The following PARD3 variants were observed in gnomAD, a reference collection of about 807,000 sequenced individuals.
The protein encoded by PARD3 is par-3 family cell polarity regulator.
A neutral mutation model predicts 155.4 loss-of-function variants in PARD3; 75 were observed. That is an observed-to-expected ratio of 0.48 (90% CI 0.40 to 0.58). The LOEUF is 0.58. Among genes scored for constraint, PARD3 ranks in the 20% least tolerant of loss-of-function variants. The pLI, the probability that PARD3 is intolerant of heterozygous loss-of-function variation, is 0.00. For missense variants in PARD3, 1,642 were observed against 1,721.7 expected (o/e 0.95, Z 0.82); for synonymous variants, 576 against 610.5 (o/e 0.94, Z 0.83).
At chr10:34,643,335 AG>A (rs2092738764) in intron 2 of PARD3, among the ~76,000 whole-genome samples, 1 of 152,236 alleles carries the variant, frequency 6.6e-6, no homozygotes, top group African/African-American at 2.4e-5. Flanking sequence ...CCATCAGGGC[AG>A]GGCCTCTGTG....
intron 21 of PARD3, 79 bp downstream of exon 21, chr10:34,284,056 C>T (rs1589049284): frequency 2.5e-6 from 2 of 800,876 alleles, no homozygotes; most frequent in African/African-American, 1.9e-5. Flanking sequence ...AAAATCTTTA[C>T]ATTAAAAAAG....
intron 2 of PARD3, among the ~76,000 whole-genome samples, chr10:34,589,181 C>T (rs374918962): frequency 1.3e-5 from 2 of 152,116 alleles, no homozygotes; most frequent in African/African-American, 4.8e-5. Flanking sequence ...AAATATTTTG[C>T]TCTATAAAAA....
chr10:34,545,262 T>C (rs1208030106), intron 2 of PARD3, among the ~76,000 whole-genome samples: 1 of 152,176 alleles, frequency 6.6e-6, no homozygotes, highest in Non-Finnish European at 1.5e-5. Flanking sequence ...CTGGTTCATC[T>C]CAAACCAAAA....
At chr10:34,345,073 T>C (rs1446323983) in intron 15 of PARD3, 17 of 982,978 alleles carry the variant, frequency 1.7e-5, no homozygotes, top group Non-Finnish European at 2.1e-5. Flanking sequence ...TAGATAATTA[T>C]AAATTGATAC....
At chr10:34,491,384 T>C (rs1158717293) in intron 3 of PARD3, among the ~76,000 whole-genome samples, 1 of 152,242 alleles carries the variant, frequency 6.6e-6, no homozygotes, top group Non-Finnish European at 1.5e-5. Flanking sequence ...CTTTCTAACT[T>C]TAATTTGAAA....
chr10:34,378,384 T>G (rs918707566), intron 9 of PARD3, among the ~76,000 whole-genome samples: 5 of 152,180 alleles, frequency 3.3e-5, no homozygotes, highest in African/African-American at 4.8e-5. Flanking sequence ...TGCTAAAAGT[T>G]TTTAAATCAA....
chr10:34,184,182 A>AT (rs1950386609), intron 22 of PARD3, among the ~76,000 whole-genome samples: 2 of 152,206 alleles, frequency 1.3e-5, no homozygotes, highest in Non-Finnish European at 2.9e-5. Context: ...GTTTCCGACC[A>AT]AGTATAAGCA....
chr10:34,137,597 A>G (rs944489734), intron 22 of PARD3, among the ~76,000 whole-genome samples: 11 of 152,370 alleles, frequency 7.2e-5, no homozygotes, highest in Admixed American at 4.6e-4. Flanking sequence ...GGCCTTGGCC[A>G]TGTGACTTGT....
At chr10:34,361,204 C>A (rs1386986439) in intron 12 of PARD3, among the ~76,000 whole-genome samples, 1 of 152,218 alleles carries the variant, frequency 6.6e-6, no homozygotes, top group Non-Finnish European at 1.5e-5. Flanking sequence ...CTTGTTCAAG[C>A]ACAAACTCTT....
At position 34,378,019 on chromosome 10, in the gene PARD3, C is replaced by T. The variant is rs12570964; in HGVS notation, c.1487G>A (p.Arg496Gln). The T allele has an allele frequency of 5.8e-5, 92 of 1,586,368 alleles. 3 individuals are homozygous for T. In the South Asian group the frequency reaches 7.1e-4, roughly 12 times the overall value. Residue 496 changes from arginine to glutamine, a missense_variant, in exon 10 of 25, where the codon CGG becomes CAG. Coordinates refer to ENST00000374788, the MANE Select transcript of PARD3 (RefSeq NM_001184785.2). ...TCGGCCATCCTGAATGGCCGCCCCC[C>T]GGGGGAGAATGTTTTTCACATAGAT... Reference protein sequence around the residue: ...APIYVKNILPRGAAIQDGRLK... With the variant: ...APIYVKNILPQGAAIQDGRLK...
chr10:34,741,377 G>A (rs1409034487), intron 1 of PARD3, among the ~76,000 whole-genome samples: 1 of 151,750 alleles, frequency 6.6e-6, no homozygotes, highest in East Asian at 1.9e-4. Flanking sequence ...TAGTGGTACA[G>A]TCTCACTATG....
At chr10:34,439,602 G>A (rs374546841) in intron 5 of PARD3, among the ~76,000 whole-genome samples, 4 of 151,920 alleles carry the variant, frequency 2.6e-5, no homozygotes, top group East Asian at 1.9e-4. Flanking sequence ...GGATTACTGC[G>A]TGTGCCACCA....
intron 21 of PARD3, among the ~76,000 whole-genome samples, chr10:34,283,576 T>A (rs1956251619): frequency 6.6e-6 from 1 of 152,060 alleles, no homozygotes; most frequent in African/African-American, 2.4e-5. Flanking sequence ...TAACAATCTA[T>A]CCGGAAGACA....
chr10:34,301,735 T>A (rs910017396), intron 20 of PARD3, among the ~76,000 whole-genome samples: 2 of 152,048 alleles, frequency 1.3e-5, no homozygotes, highest in Non-Finnish European at 2.9e-5. Flanking sequence ...CCTCTTCCAG[T>A]ATTTACTAGC....
intron 1 of PARD3, among the ~76,000 whole-genome samples, chr10:34,736,825 C>A (rs1051030696): frequency 6.6e-6 from 1 of 151,802 alleles, no homozygotes; most frequent in Non-Finnish European, 1.5e-5. Flanking sequence ...TACAGGCATG[C>A]GCCACCATGC....
At chr10:34,337,455 ATATT>A (rs778105765) in intron 16 of PARD3, 29 bp from the exon 17 acceptor site, 1 of 1,480,680 alleles carries the variant, frequency 6.8e-7, no homozygotes, top group South Asian at 1.4e-5. Flanking sequence ...AAAAATAAAA[ATATT>A]TACTAAAAAT....
chr10:34,134,236 G>A (rs1045364462), intron 22 of PARD3, among the ~76,000 whole-genome samples: 1 of 152,172 alleles, frequency 6.6e-6, no homozygotes, highest in South Asian at 2.1e-4. Context: ...AGACAAAAGA[G>A]ACAGGAAAGT....
intron 3 of PARD3, among the ~76,000 whole-genome samples, chr10:34,513,396 T>G (rs1001523806): frequency 6.6e-6 from 1 of 152,166 alleles, no homozygotes; most frequent in African/African-American, 2.4e-5. Flanking sequence ...TCTCCATGCC[T>G]CAGCCTTCCG....
intron 5 of PARD3, among the ~76,000 whole-genome samples, chr10:34,413,140 T>TACGCACACACAC (rs774389489): frequency 8.8e-6 from 1 of 113,794 alleles, no homozygotes; most frequent in African/African-American, 3.2e-5. Context: ...ACTTCAGATA[T>TACGCACACACAC]ATATACACAC....
Sources: allele counts gnomAD v4.1 joint callset (sites outside exome capture counted in the v4.1 genomes callset), GRCh38; gene constraint gnomAD v4.1.1; transcripts MANE v1.5; gene names NCBI Gene and HGNC (gene_info 2026-07-23, HGNC 2026-07-21).